The following FGF13 variants were observed in gnomAD, a reference collection of about 807,000 sequenced individuals.
The protein encoded by FGF13 is fibroblast growth factor 13, also known as fibroblast growth factor homologous factor 2.
A neutral mutation model predicts 19.5 loss-of-function variants in FGF13; 2 were observed. The observed-to-expected ratio is 0.10, with a 90% CI of 0.04 to 0.32. The LOEUF is 0.32. Ranked by LOEUF, FGF13 falls within the 10% of genes least tolerant of loss-of-function variation. The pLI, the probability that FGF13 is intolerant of heterozygous loss-of-function variation, is 1.00. For missense variants in FGF13, 113 were observed against 192.7 expected (o/e 0.59, Z 2.45); for synonymous variants, 72 against 76.9 (o/e 0.94, Z 0.33).
Position 138,626,975 on chromosome X carries a change from G to A in FGF13, c.*5875C>T, listed in dbSNP as rs1286485787. Reference sequence around the variant, plus strand: ...TCGAGGAAGAAAATAACACTTGGATGGTAATCATCCAGTTTGTCCCAGGGT... The same window carrying A: ...TCGAGGAAGAAAATAACACTTGGATAGTAATCATCCAGTTTGTCCCAGGGT... On this transcript the variant is annotated 3_prime_UTR_variant, in exon 5 of 5. Transcript: ENST00000315930. 1 of 111,744 alleles carries A rather than the reference G, an allele frequency of 8.9e-6. No individual in the cohort carries two copies. Among genetic ancestry groups the A allele is most frequent in the African/African-American group, 3.3e-5 (1 of 30,758 alleles). 9.2% of individuals were successfully genotyped at this position (111,744 alleles called of 1,213,427 possible). A position where few individuals can be genotyped will look rare whatever the true frequency, so the allele number is the denominator to read the frequency against.
chrX:139,113,875 CTTCTGGCTCCAATATTCTCAGA>C (rs1454444703), intron 1 of FGF13, among the ~76,000 whole-genome samples: 34 of 112,036 alleles, frequency 3.0e-4, no homozygotes, highest in Middle Eastern at 9.2e-3. Flanking sequence ...ACTAAGCGCC[CTTCTGGCTCCAATATTCTCAGA>C]TTCTGGCTCC....
chrX:138,997,707 T>C (rs946564323), intron 1 of FGF13, among the ~76,000 whole-genome samples: 1 of 112,184 alleles, frequency 8.9e-6, no homozygotes. Context: ...ATATGTTTGA[T>C]TGGTATACCT....
At chrX:139,179,704 G>A (rs1197350229) in intron 1 of FGF13, among the ~76,000 whole-genome samples, 1 of 112,901 alleles carries the variant, frequency 8.9e-6, no homozygotes, top group Non-Finnish European at 1.9e-5. Flanking sequence ...TTTGCAAATA[G>A]CAAATAGCTG....
chrX:138,883,961 T>C (rs999543097), intron 1 of FGF13, among the ~76,000 whole-genome samples: 2 of 112,438 alleles, frequency 1.8e-5, no homozygotes, highest in African/African-American at 6.5e-5. Context: ...CAGAAGGGTA[T>C]AGCAGTTAGA....
chrX:138,977,031 A>G (rs2091942519), intron 1 of FGF13, among the ~76,000 whole-genome samples: 2 of 112,017 alleles, frequency 1.8e-5, no homozygotes, highest in Non-Finnish European at 3.8e-5. Flanking sequence ...GATATTAACT[A>G]TGACTCAGTG....
intron 1 of FGF13, among the ~76,000 whole-genome samples, chrX:138,948,200 T>A (rs1214288405): frequency 9.0e-6 from 1 of 111,475 alleles, no homozygotes; most frequent in Non-Finnish European, 1.9e-5. Context: ...AGGGTAGAGG[T>A]CAACACCTAT....
chrX:139,109,678 T>G (rs2083587365), intron 1 of FGF13, among the ~76,000 whole-genome samples: 1 of 111,470 alleles, frequency 9.0e-6, no homozygotes, highest in Non-Finnish European at 1.9e-5. Context: ...TGACCAAAAC[T>G]TCTTCACCTG....
At chrX:138,842,980 G>A (rs1455642882) in intron 3 of FGF13, among the ~76,000 whole-genome samples, 1 of 111,703 alleles carries the variant, frequency 9.0e-6, no homozygotes. Context: ...TGATAATTTG[G>A]TGTAATTTTT....
chrX:138,986,307 C>T (rs1463321859), intron 1 of FGF13, among the ~76,000 whole-genome samples: 3 of 111,913 alleles, frequency 2.7e-5, no homozygotes, highest in African/African-American at 9.7e-5. Flanking sequence ...ACTAAAGCAG[C>T]ACTTTGAACT....
chrX:139,021,466 A>G (rs2092178002), intron 1 of FGF13, among the ~76,000 whole-genome samples: 1 of 111,663 alleles, frequency 9.0e-6, no homozygotes, highest in Non-Finnish European at 1.9e-5. Context: ...GTTTTAACAC[A>G]CACCTGTCAA....
intron 1 of FGF13, among the ~76,000 whole-genome samples, chrX:138,973,469 G>T (rs923002013): frequency 8.0e-5 from 9 of 112,043 alleles, no homozygotes; most frequent in Non-Finnish European, 1.7e-4. Flanking sequence ...GTATATTCTG[G>T]TGCTGTTAAA....
intron 1 of FGF13, among the ~76,000 whole-genome samples, chrX:139,045,113 C>T (rs1043626667): frequency 1.8e-5 from 2 of 112,696 alleles, no homozygotes; most frequent in African/African-American, 6.5e-5. Context: ...TTCACTCTTG[C>T]ATTCTGCACA....
At chrX:138,892,785 T>C (rs1366335986) in intron 1 of FGF13, among the ~76,000 whole-genome samples, 1 of 110,069 alleles carries the variant, frequency 9.1e-6, no homozygotes, top group African/African-American at 3.3e-5. Context: ...TAGTGGGTTC[T>C]AGAGAACCTA....
chrX:138,994,404 C>T (rs2092032675), intron 1 of FGF13, among the ~76,000 whole-genome samples: 1 of 111,253 alleles, frequency 9.0e-6, no homozygotes, highest in South Asian at 3.9e-4. Context: ...GGGGTTAGGG[C>T]TTCAATATGA....
chrX:139,084,346 T>G, intron 1 of FGF13, among the ~76,000 whole-genome samples: 1 of 111,409 alleles, frequency 9.0e-6, no homozygotes, highest in Non-Finnish European at 1.9e-5. Context: ...CCACTAAACT[T>G]TTGACACTCT....
intron 1 of FGF13, among the ~76,000 whole-genome samples, chrX:138,915,224 T>C (rs143761919): frequency 0.015 from 1,626 of 111,569 alleles, 33 homozygotes; most frequent in African/African-American, 0.051. Flanking sequence ...TTCATTTCCC[T>C]ACTCCATTAC....
intron 1 of FGF13, among the ~76,000 whole-genome samples, chrX:138,930,295 C>G (rs2124257468): frequency 8.9e-6 from 1 of 112,462 alleles, no homozygotes; most frequent in Admixed American, 9.4e-5. Flanking sequence ...AGTAATGATT[C>G]TATTTGAAAG....
At chrX:138,768,645 A>T (rs2090519120) in intron 3 of FGF13, among the ~76,000 whole-genome samples, 1 of 106,270 alleles carries the variant, frequency 9.4e-6, no homozygotes, top group Non-Finnish European at 1.9e-5. Context: ...ATGCAAGTGC[A>T]AAATGTAAAG....
intron 3 of FGF13, among the ~76,000 whole-genome samples, chrX:138,664,366 T>G (rs774618519): frequency 3.6e-5 from 4 of 111,685 alleles, no homozygotes; most frequent in Non-Finnish European, 5.7e-5. Flanking sequence ...TTACTTCAAA[T>G]TATTAGTCAG....
Sources: gnomAD v4.1 joint callset for allele counts (sites outside exome capture counted in the v4.1 genomes callset) on GRCh38, gnomAD v4.1.1 for gene constraint, MANE v1.5 for transcripts, NCBI Gene and HGNC (gene_info 2026-07-23, HGNC 2026-07-21) for gene names.